Variants in PAH observed in about 807,000 individuals in gnomAD.
PAH encodes phenylalanine hydroxylase.
In PAH, 64 loss-of-function variants were observed where a neutral mutation model predicts 62.0. The observed-to-expected ratio is 1.03, with a 90% confidence interval of 0.84 to 1.27. The LOEUF (loss-of-function observed/expected upper bound fraction) is 1.27. Ranked by LOEUF, PAH falls within the 50% of genes most tolerant of loss-of-function variation. The pLI is 0.00. For synonymous variants in PAH, 195 were observed against 196.2 expected (o/e 0.99, Z 0.05); for missense variants, 579 against 542.8 (o/e 1.07, Z -0.66).
At chr12:102,910,880 C>T (rs769006786) in intron 2 of PAH, among the ~76,000 whole-genome samples, 16 of 152,110 alleles carry the variant, frequency 1.1e-4, no homozygotes, top group Admixed American at 3.9e-4. Flanking sequence ...CCACTACTGC[C>T]CTTTGCCCAG....
At chr12:102,914,028 C>G in intron 1 of PAH, 2 of 548,016 alleles carry the variant, frequency 3.6e-6, no homozygotes, top group South Asian at 5.0e-5. Context: ...TGAGAGAAGG[C>G]TGTGTTAGGA....
upstream of PAH, among the ~76,000 whole-genome samples, chr12:102,954,417 T>A (rs1258908939): frequency 2.6e-5 from 4 of 152,230 alleles, no homozygotes; most frequent in Non-Finnish European, 4.4e-5. Context: ...GGGTGGGTTG[T>A]GTGAGCATGA....
upstream of PAH, among the ~76,000 whole-genome samples, chr12:102,954,249 T>C (rs1317821508): frequency 6.6e-6 from 1 of 152,208 alleles, no homozygotes; most frequent in African/African-American, 2.4e-5. Context: ...AATATGCCAG[T>C]ATCACCACCA....
intron 4 of PAH, chr12:102,877,137 G>C: frequency 2.6e-6 from 1 of 391,650 alleles, no homozygotes; most frequent in South Asian, 2.2e-5. Flanking sequence ...CCAAGCACTT[G>C]ACTTAAACCT....
At chr12:102,946,197 G>GGAGCTGT (rs1879488018) in intron 1 of PAH, among the ~76,000 whole-genome samples, 1 of 152,180 alleles carries the variant, frequency 6.6e-6, no homozygotes, top group South Asian at 2.1e-4. Context: ...AGTCTCTCCT[G>GGAGCTGT]GAGCTGTGAG....
chr12:102,950,429 C>A (rs1879700284), intron 1 of PAH: 1 of 152,304 alleles, frequency 6.6e-6, no homozygotes, highest in Admixed American at 6.5e-5. Flanking sequence ...GGCCAGCGTC[C>A]AGGTTTGCCA....
At chr12:102,867,068 A>G (rs1449078017) in intron 4 of PAH, among the ~76,000 whole-genome samples, 1 of 152,266 alleles carries the variant, frequency 6.6e-6, no homozygotes, top group African/African-American at 2.4e-5. Flanking sequence ...ATAGACGAGC[A>G]GGCACATGCT....
At chr12:102,923,515 C>A (rs1422357499) in intron 1 of PAH, 2 of 152,070 alleles carry the variant, frequency 1.3e-5, no homozygotes, top group African/African-American at 4.8e-5. Flanking sequence ...TGCTGTGGGA[C>A]CAGAACAAAT....
chr12:102,896,119 G>C (rs1266616454), intron 2 of PAH, among the ~76,000 whole-genome samples: 3 of 152,116 alleles, frequency 2.0e-5, no homozygotes, highest in African/African-American at 2.4e-5. Context: ...ACACAGAGCA[G>C]GGGGAAGCAA....
intron 3 of PAH, among the ~76,000 whole-genome samples, chr12:102,880,321 C>A (rs2136682780): frequency 6.6e-6 from 1 of 152,266 alleles, no homozygotes; most frequent in Admixed American, 6.5e-5. Flanking sequence ...AGAAAGGAAT[C>A]AGCACTTTAG....
At chr12:102,856,691 G>A (rs1467192011) in intron 5 of PAH, among the ~76,000 whole-genome samples, 1 of 152,220 alleles carries the variant, frequency 6.6e-6, no homozygotes, top group Non-Finnish European at 1.5e-5. Context: ...TTGCTGTTCT[G>A]CAGCCTCCGC....
chr12:102,861,536 G>A (rs902778428), intron 5 of PAH, among the ~76,000 whole-genome samples: 1 of 152,152 alleles, frequency 6.6e-6, no homozygotes, highest in Non-Finnish European at 1.5e-5. Context: ...GCACACATAT[G>A]TTTATTGCAG....
At chr12:102,892,499 C>T (rs569702778) in intron 3 of PAH, among the ~76,000 whole-genome samples, 25 of 152,238 alleles carry the variant, frequency 1.6e-4, no homozygotes, top group Non-Finnish European at 3.1e-4. Flanking sequence ...TGTTTATTCA[C>T]AGCTTTATTC....
At chr12:102,933,118 C>T (rs1878978869) in intron 1 of PAH, among the ~76,000 whole-genome samples, 1 of 152,166 alleles carries the variant, frequency 6.6e-6, no homozygotes, top group Non-Finnish European at 1.5e-5. Flanking sequence ...TCCACGCTTT[C>T]ACCACCACAC....
rs1439459880 is a variant in PAH, at chr12:102,894,975, A to C, written c.169-57T>G. ...AGTCACTGGAACTAACGCAGGCCAA[A>C]GATGCAGAACCAGAACAGGAAAACC... On this transcript the variant is annotated intron_variant, in intron 2 of 12. Transcript: ENST00000553106. The C allele has an allele frequency of 3.1e-6, 4 of 1,285,808 alleles. No homozygotes were observed. The East Asian group carries it at 9.2e-5, about 30-fold the overall frequency. 79.6% of individuals were successfully genotyped at this position (1,285,808 alleles called of 1,614,324 possible).
rs147899919 is a variant in PAH, at chr12:102,840,770, G to C, written c.1200-255C>G. Among the ~76,000 whole-genome samples, 399 of 152,216 alleles carry C rather than the reference G, an allele frequency of 2.6e-3. 3 individuals are homozygous for C. In the South Asian group the frequency reaches 0.039, roughly 15 times the overall value. On this transcript the variant is annotated intron_variant, in intron 11 of 12. Coordinates refer to ENST00000553106, the MANE Select transcript of PAH (RefSeq NM_000277.3). ...TTAGTCCCCTGGCTCCAAGAAGACA[G>C]AGATAGCTTACAATGAAACTACTGA...
intron 1 of PAH, chr12:102,913,811 G>A (rs1459058933): frequency 7.1e-6 from 5 of 701,976 alleles, no homozygotes; most frequent in Non-Finnish European, 1.3e-5. Flanking sequence ...CTACATGCAT[G>A]TGACAGAAAA....
chr12:102,913,024 A>G (rs1010963652), intron 1 of PAH, 126 bp from the exon 2 acceptor site: 2 of 694,728 alleles, frequency 2.9e-6, no homozygotes. Context: ...ACAATGAGCT[A>G]TATATATTCT....
chr12:102,868,136 A>G lies in PAH; in HGVS notation c.442-1473T>C, dbSNP rs1262964620. On this transcript the variant is annotated intron_variant, in intron 4 of 12. Transcript: ENST00000553106. Reference sequence around the variant, plus strand: ...TATATACATATATGTGTATATATATATATATATATATATATATACACATAT... The same window carrying G: ...TATATACATATATGTGTATATATATGTATATATATATATATATACACATAT... 9.7e-3 allele frequency among the ~76,000 whole-genome samples: 49 copies of G among 5,026 alleles called. 4 individuals carry two copies. Among genetic ancestry groups the G allele is most frequent in the African/African-American group, 0.041 (22 of 536 alleles). The allele number at this position is 5,026 out of a possible 152,430, so 3.3% of individuals were successfully genotyped here.
Sources: allele counts gnomAD v4.1 joint callset (sites outside exome capture counted in the v4.1 genomes callset), GRCh38; gene constraint gnomAD v4.1.1; transcripts MANE v1.5; gene names NCBI Gene and HGNC (gene_info 2026-07-23, HGNC 2026-07-21).